PRDM5: variants seen among roughly 807,000 people sequenced by gnomAD.
PRDM5 encodes the protein PR/SET domain 5, also known as PR domain zinc finger protein 5.
In PRDM5, 56 loss-of-function variants were observed where a neutral mutation model predicts 81.2. The ratio of observed to expected loss-of-function variants is 0.69; its 90% confidence interval spans 0.56 to 0.86. The LOEUF (loss-of-function observed/expected upper bound fraction) is 0.86, where lower values mean the gene tolerates loss of function less well. Ranked by LOEUF, PRDM5 falls within the 40% of genes least tolerant of loss-of-function variation. The pLI, the probability that PRDM5 is intolerant of heterozygous loss-of-function variation, is 0.00. For synonymous variants in PRDM5, 267 were observed against 256.4 expected (o/e 1.04, Z -0.39); for missense variants, 697 against 770.1 (o/e 0.91, Z 1.12).
chr4:120,829,009 T>G (rs1351262868), intron 3 of PRDM5, among the ~76,000 whole-genome samples: 2 of 152,030 alleles, frequency 1.3e-5, no homozygotes, highest in African/African-American at 4.8e-5. Context: ...GGGAGTCTAG[T>G]TAATGAATTT....
intron 14 of PRDM5, among the ~76,000 whole-genome samples, chr4:120,719,185 A>G (rs1036322312): frequency 6.6e-6 from 1 of 152,148 alleles, no homozygotes; most frequent in African/African-American, 2.4e-5. Flanking sequence ...TCCCCACTCC[A>G]TCTTCCACCC....
chr4:120,911,167 T>A (rs1026438181), intron 1 of PRDM5, among the ~76,000 whole-genome samples: 2 of 152,192 alleles, frequency 1.3e-5, no homozygotes, highest in Non-Finnish European at 2.9e-5. Context: ...GGAAAGAGCA[T>A]GCCACCTAAA....
intron 2 of PRDM5, among the ~76,000 whole-genome samples, chr4:120,875,523 G>C (rs942588583): frequency 2.6e-5 from 4 of 152,250 alleles, no homozygotes; most frequent in Non-Finnish European, 5.9e-5. Flanking sequence ...TGTTAGGAAA[G>C]CTGACTCTGG....
At chr4:120,735,379 T>C (rs1207809887) in intron 14 of PRDM5, among the ~76,000 whole-genome samples, 1 of 152,192 alleles carries the variant, frequency 6.6e-6, no homozygotes, top group Non-Finnish European at 1.5e-5. Context: ...ATTATTCATA[T>C]GTTCAAATGA....
At chr4:120,702,384 C>G (rs1735512020) in intron 15 of PRDM5, among the ~76,000 whole-genome samples, 1 of 152,172 alleles carries the variant, frequency 6.6e-6, no homozygotes, top group Non-Finnish European at 1.5e-5. Context: ...CCAGCTTACT[C>G]CTACTCATCC....
intron 2 of PRDM5, among the ~76,000 whole-genome samples, chr4:120,874,510 T>G (rs903863297): frequency 6.6e-6 from 1 of 152,178 alleles, no homozygotes; most frequent in African/African-American, 2.4e-5. Context: ...TAACTGCATG[T>G]GATTGGTTTC....
intron 14 of PRDM5, among the ~76,000 whole-genome samples, chr4:120,734,610 G>GCTTCC (rs1223279820): frequency 6.6e-6 from 1 of 152,114 alleles, no homozygotes; most frequent in African/African-American, 2.4e-5. Flanking sequence ...ATGCTGAAAC[G>GCTTCC]CTTCCCTTCC....
intron 5 of PRDM5, among the ~76,000 whole-genome samples, chr4:120,817,452 C>T (rs898717189): frequency 2.0e-5 from 3 of 151,938 alleles, no homozygotes; most frequent in Non-Finnish European, 4.4e-5. Flanking sequence ...AGTAAGGTAA[C>T]ATTCTGTTAA....
At chr4:120,741,357 A>G (rs1266089980) in intron 14 of PRDM5, among the ~76,000 whole-genome samples, 1 of 152,028 alleles carries the variant, frequency 6.6e-6, no homozygotes, top group Non-Finnish European at 1.5e-5. Flanking sequence ...CATCATGCTT[A>G]CACTCACTCA....
intron 8 of PRDM5, among the ~76,000 whole-genome samples, chr4:120,801,166 A>T (rs754800096): frequency 2.6e-5 from 4 of 152,200 alleles, no homozygotes; most frequent in Non-Finnish European, 2.9e-5. Context: ...CACAATACTA[A>T]ACCCCAGAGA....
intron 2 of PRDM5, chr4:120,896,171 C>A (rs1163828624): frequency 7.9e-5 from 12 of 152,138 alleles, no homozygotes; most frequent in Admixed American, 7.2e-4. Context: ...GCATCAGAAT[C>A]ATTGGTGAAT....
chr4:120,712,831 C>G (rs975151559), intron 14 of PRDM5, among the ~76,000 whole-genome samples: 13 of 151,998 alleles, frequency 8.6e-5, no homozygotes, highest in Non-Finnish European at 1.5e-5. Context: ...AGCTGTATAC[C>G]ACAATTTATT....
chr4:120,688,384 G>A (rs1399298493), downstream of PRDM5, among the ~76,000 whole-genome samples: 1 of 151,810 alleles, frequency 6.6e-6, no homozygotes, highest in African/African-American at 2.4e-5. Flanking sequence ...ATATTAACTT[G>A]TTAACAGATA....
chr4:120,839,434 T>A (rs1220300063), intron 3 of PRDM5, among the ~76,000 whole-genome samples: 1 of 152,130 alleles, frequency 6.6e-6, no homozygotes, highest in Non-Finnish European at 1.5e-5. Context: ...AGAAGGTAAC[T>A]CCTCTCTCTA....
At chr4:120,867,180 C>T (rs1761274075) in intron 2 of PRDM5, among the ~76,000 whole-genome samples, 1 of 152,044 alleles carries the variant, frequency 6.6e-6, no homozygotes, top group African/African-American at 2.4e-5. Flanking sequence ...AGAACCCAGC[C>T]CTGCCACTAC....
chr4:120,718,028 T>G (rs1363691450), intron 14 of PRDM5, among the ~76,000 whole-genome samples: 1 of 152,196 alleles, frequency 6.6e-6, no homozygotes, highest in Non-Finnish European at 1.5e-5. Context: ...TGGCGAGGAC[T>G]GTCAGAGCCT....
intron 8 of PRDM5, 37 bp from the exon 9 acceptor site, chr4:120,799,782 A>T: frequency 6.2e-7 from 1 of 1,600,984 alleles, no homozygotes; most frequent in South Asian, 1.1e-5. Flanking sequence ...ATCAACTGTC[A>T]AAGCCTAGTA....
intron 1 of PRDM5, among the ~76,000 whole-genome samples, chr4:120,917,736 C>A (rs936563175): frequency 6.7e-6 from 1 of 149,288 alleles, no homozygotes; most frequent in Admixed American, 6.7e-5. Context: ...AAGATACCGT[C>A]GAAAGAAGTG....
At chr4:120,881,153 T>TC (rs1762803999) in intron 2 of PRDM5, among the ~76,000 whole-genome samples, 1 of 152,232 alleles carries the variant, frequency 6.6e-6, no homozygotes, top group South Asian at 2.1e-4. Flanking sequence ...AGCTTCAATT[T>TC]AGCTCATTTA....
Sources: allele counts gnomAD v4.1 joint callset (sites outside exome capture counted in the v4.1 genomes callset), GRCh38; gene constraint gnomAD v4.1.1; transcripts MANE v1.5; gene names NCBI Gene and HGNC (gene_info 2026-07-23, HGNC 2026-07-21).